GMDS: variants seen among roughly 807,000 people sequenced by gnomAD.
The protein encoded by GMDS is GDP-mannose 4,6-dehydratase, also known as GDP-mannose 4,6 dehydratase.
In GMDS, 20 loss-of-function variants were observed where a neutral mutation model predicts 49.9. That is an observed-to-expected ratio of 0.40 (90% CI 0.28 to 0.58). The LOEUF is 0.58. Among genes scored for constraint, GMDS ranks in the 20% least tolerant of loss-of-function variants. The pLI is 0.42. For synonymous variants in GMDS, 177 were observed against 178.6 expected (o/e 0.99, Z 0.07); for missense variants, 362 against 481.4 (o/e 0.75, Z 2.32).
intron 7 of GMDS, among the ~76,000 whole-genome samples, chr6:1,889,281 T>A (rs867934993): frequency 1.3e-5 from 2 of 152,310 alleles, no homozygotes; most frequent in Admixed American, 1.3e-4. Context: ...AGTCATTCCA[T>A]AGCATTTCCC....
intron 4 of GMDS, among the ~76,000 whole-genome samples, chr6:1,998,087 G>A (rs764679902): frequency 2.0e-5 from 3 of 152,088 alleles, no homozygotes; most frequent in Non-Finnish European, 4.4e-5. Context: ...AATAAACATC[G>A]GGGAAGATCA....
chr6:1,904,628 G>A (rs534423501), intron 7 of GMDS, among the ~76,000 whole-genome samples: 4 of 152,202 alleles, frequency 2.6e-5, no homozygotes, highest in Admixed American at 6.5e-5. Context: ...GTCCTTGAGC[G>A]TGGGTTGTCA....
chr6:1,879,373 G>A (rs1759253445), intron 7 of GMDS, among the ~76,000 whole-genome samples: 1 of 152,074 alleles, frequency 6.6e-6, no homozygotes, highest in South Asian at 2.1e-4. Context: ...CCTCGCATAG[G>A]GTGAATATTC....
At chr6:2,228,726 A>G (rs746803405) in intron 1 of GMDS, among the ~76,000 whole-genome samples, 18 of 152,236 alleles carry the variant, frequency 1.2e-4, no homozygotes, top group Non-Finnish European at 2.6e-4. Flanking sequence ...AACCCTGAAC[A>G]ATGCATTTGC....
rs1763688097 is a variant in GMDS at position 1,652,408 on chromosome 6, A to ATAATATATATATAATATATTATATATAT, written c.988-27869_988-27868insATATATATAATATATTATATATATATTA. On this transcript the variant is annotated intron_variant, in intron 9 of 10. Coordinates refer to ENST00000380815, the MANE Select transcript of GMDS (RefSeq NM_001500.4). ...ATATATATATTATATATATATATAT[A>ATAATATATATATAATATATTATATATAT]TTATATATAATATATATATAATATA... is the stretch of plus-strand genomic sequence containing the variant. Among the ~76,000 whole-genome samples the ATAATATATATATAATATATTATATATAT allele has an allele frequency of 2.9e-3, 7 of 2,416 alleles. 2 individuals are homozygous for ATAATATATATATAATATATTATATATAT. The highest frequency in any genetic ancestry group is 5.4e-3 in the African/African-American group (7 of 1,288). 1.6% of individuals were successfully genotyped at this position (2,416 alleles called of 152,430 possible).
chr6:2,215,275 GT>G lies in GMDS; in HGVS notation c.102+30045del, dbSNP rs370224495. On this transcript the variant is annotated intron_variant, in intron 1 of 10. Transcript: ENST00000380815. ...GACAGAGAGAGGATGTTATTAGTCC[GT>G]TTTCAAGCTGCTGATAAAGACATAA... Among the ~76,000 whole-genome samples the G allele has an allele frequency of 4.4e-4, 67 of 152,206 alleles. 1 individual carries two copies. In the East Asian group the frequency reaches 0.011, roughly 26 times the overall value.
intron 1 of GMDS, among the ~76,000 whole-genome samples, chr6:2,208,174 C>T (rs540057837): frequency 7.9e-5 from 12 of 152,242 alleles, no homozygotes; most frequent in East Asian, 1.9e-4. Flanking sequence ...ACGGGGTCAA[C>T]GATAATCAAT....
chr6:1,725,312 G>A (rs1044198458), intron 9 of GMDS, among the ~76,000 whole-genome samples: 4 of 152,190 alleles, frequency 2.6e-5, no homozygotes, highest in African/African-American at 4.8e-5. Flanking sequence ...TTTAGGAAAG[G>A]AGGATGTTAT....
chr6:2,059,707 C>CAAAAAAAAAAAAAAAAAAAAAA (rs35230658), intron 4 of GMDS, among the ~76,000 whole-genome samples: 16 of 17,762 alleles, frequency 9.0e-4, no homozygotes, highest in Non-Finnish European at 1.1e-3. Flanking sequence ...GACTCCGTCT[C>CAAAAAAAAAAAAAAAAAAAAAA]AAAAAAAAAA....
At chr6:1,651,502 C>A (rs537020626) in intron 9 of GMDS, among the ~76,000 whole-genome samples, 1 of 152,320 alleles carries the variant, frequency 6.6e-6, no homozygotes, top group African/African-American at 2.4e-5. Flanking sequence ...CCTGGCCATC[C>A]CATGGGCACA....
intron 4 of GMDS, among the ~76,000 whole-genome samples, chr6:2,010,519 A>G (rs1375499334): frequency 1.3e-5 from 2 of 152,178 alleles, no homozygotes; most frequent in East Asian, 3.8e-4. Flanking sequence ...TTAAAGTGCT[A>G]AAAGTCACTA....
chr6:2,010,746 T>C (rs1310608947), intron 4 of GMDS, among the ~76,000 whole-genome samples: 1 of 152,208 alleles, frequency 6.6e-6, no homozygotes, highest in Non-Finnish European at 1.5e-5. Context: ...CTTTTATTCA[T>C]TTAAAAATTG....
At chr6:1,952,607 T>G (rs554499182) in intron 6 of GMDS, among the ~76,000 whole-genome samples, 1 of 152,188 alleles carries the variant, frequency 6.6e-6, no homozygotes, top group East Asian at 1.9e-4. Context: ...ACAGACAGTT[T>G]AGCAACGGAA....
intron 1 of GMDS, among the ~76,000 whole-genome samples, chr6:2,208,698 A>C (rs1779921645): frequency 6.6e-6 from 1 of 152,212 alleles, no homozygotes; most frequent in East Asian, 1.9e-4. Context: ...CCCGAAGGAA[A>C]GTAAAAGCAC....
intron 1 of GMDS, among the ~76,000 whole-genome samples, chr6:2,177,123 T>A (rs1347237347): frequency 6.6e-6 from 1 of 152,080 alleles, no homozygotes; most frequent in Non-Finnish European, 1.5e-5. Flanking sequence ...TGTTTTCCTG[T>A]TCAGAGACTA....
At chr6:1,887,613 C>A (rs1332540851) in intron 7 of GMDS, among the ~76,000 whole-genome samples, 1 of 152,166 alleles carries the variant, frequency 6.6e-6, no homozygotes, top group Admixed American at 6.5e-5. Context: ...GCCTTTAAAT[C>A]TTAAGATTTG....
At chr6:1,999,996 T>TATATATAA (rs1255621997) in intron 4 of GMDS, among the ~76,000 whole-genome samples, 1 of 10,450 alleles carries the variant, frequency 9.6e-5, no homozygotes, top group Non-Finnish European at 2.2e-4. Context: ...TATATATATA[T>TATATATAA]TATATATATA....
intron 4 of GMDS, among the ~76,000 whole-genome samples, chr6:2,068,142 T>C (rs888772309): frequency 3.3e-5 from 5 of 151,458 alleles, no homozygotes; most frequent in South Asian, 2.1e-4. Context: ...ATCCAGCATA[T>C]AAACAGAACC....
chr6:1,814,256 A>AC (rs1205275549), intron 7 of GMDS, among the ~76,000 whole-genome samples: 1 of 152,220 alleles, frequency 6.6e-6, no homozygotes, highest in Non-Finnish European at 1.5e-5. Context: ...TACCAGAGAC[A>AC]GGCACCTTCT....
Sources: gnomAD v4.1 joint callset for allele counts (sites outside exome capture counted in the v4.1 genomes callset) on GRCh38, gnomAD v4.1.1 for gene constraint, MANE v1.5 for transcripts, NCBI Gene and HGNC (gene_info 2026-07-23, HGNC 2026-07-21) for gene names.